UBR2: variants seen among roughly 807,000 people sequenced by gnomAD.
UBR2 encodes E3 ubiquitin-protein ligase UBR2.
UBR2 carries 92 observed loss-of-function variants against 247.9 expected under a neutral mutation model. The ratio of observed to expected loss-of-function variants is 0.37; its 90% CI spans 0.31 to 0.44. The LOEUF is 0.44. Ranked by LOEUF, UBR2 falls within the 20% of genes least tolerant of loss-of-function variation. The pLI is 1.00. For missense variants in UBR2, 1,613 were observed against 2,112.6 expected, an observed-to-expected ratio of 0.76 and a Z score of 4.64; for synonymous variants, 672 against 693.5, an observed-to-expected ratio of 0.97 and a Z score of 0.49.
At chr6:42,592,285 TTTTC>T (rs1792718025) in intron 3 of UBR2, 56 bp downstream of exon 3, 5 of 1,300,088 alleles carry the variant, frequency 3.8e-6, no homozygotes, top group African/African-American at 1.5e-5. Flanking sequence ...AATAAATATC[TTTTC>T]TTTCTTTTCA....
rs145242958 is a variant in UBR2 at position 42,568,897 on chromosome 6, A to G, written c.78+4500A>G. ...CTTAATCCAAAATCCAAATGTTCCAATGAGCACTTCTTTGAGCATCGTGTG... is the reference window on the plus strand; with the variant it reads ...CTTAATCCAAAATCCAAATGTTCCAGTGAGCACTTCTTTGAGCATCGTGTG... On this transcript the variant is annotated intron_variant, in intron 1 of 46. Transcript: ENST00000372901. Among the ~76,000 whole-genome samples, 315 of 152,304 alleles carry G rather than the reference A, an allele frequency of 2.1e-3. 1 individual carries two copies. The highest frequency in any genetic ancestry group is 7.3e-3 in the African/African-American group (305 of 41,560).
rs1417541818 is a variant in UBR2, at chr6:42,632,694, A to G, written c.1424A>G (p.Gln475Arg). Residue 475 changes from glutamine to arginine, a missense_variant, in exon 12 of 47, where the codon CAG (glutamine) becomes CGG (arginine). Gln to Arg is a conservative substitution (Grantham distance 43). Coordinates refer to ENST00000372901, the MANE Select transcript of UBR2 (RefSeq NM_001363705.2). ...ALQAFKFRRV[Q>R]SLILDLKYVL... ...CAAGCCTTCAAATTTAGGAGAGTAC[A>G]GAGCCTTATTTTAGATCTCAAGTAA... 6.2e-7 allele frequency: 1 copy of G among 1,602,108 alleles called. No homozygotes were observed. The highest frequency in any genetic ancestry group is 8.5e-7 in the Non-Finnish European group (1 of 1,176,294).
At chr6:42,672,516 C>T (rs893474308) in intron 36 of UBR2, among the ~76,000 whole-genome samples, 8 of 152,202 alleles carry the variant, frequency 5.3e-5, no homozygotes, top group South Asian at 2.1e-4. Flanking sequence ...TCCTCAAAAG[C>T]AATCCTGTTC....
At position 42,640,156 on chromosome 6, in the gene UBR2, C is replaced by T. The variant is rs79445722; in HGVS notation, c.1859-53C>T. On this transcript the variant is annotated intron_variant, in intron 15 of 46. Coordinates refer to ENST00000372901, the MANE Select transcript of UBR2 (RefSeq NM_001363705.2). ...TGAGTGAATATTTAGGGTATTTTTC[C>T]TAAATGATTTTTACTGATAGAAATA... 7,756 of 1,472,898 alleles carry T rather than the reference C, an allele frequency of 5.3e-3. 30 individuals carry two copies. Among genetic ancestry groups the T allele is most frequent in the Non-Finnish European group, 6.3e-3 (6,721 of 1,072,900 alleles). 91.2% of individuals were successfully genotyped at this position (1,472,898 alleles called of 1,614,324 possible). A position where few individuals can be genotyped will look rare whatever the true frequency, so the allele number is the denominator to read the frequency against.
intron 42 of UBR2, 42 bp downstream of exon 42, chr6:42,679,874 A>G (rs1207478129): frequency 7.7e-6 from 11 of 1,427,186 alleles, no homozygotes; most frequent in Non-Finnish European, 9.6e-6. Context: ...AAATAGCTCT[A>G]TGGAACCAAA....
chr6:42,573,856 T>C lies in UBR2; in HGVS notation c.201T>C (p.His67=), dbSNP rs1190251437. The C allele has an allele frequency of 5.0e-6, 8 of 1,614,132 alleles. No homozygotes were observed. The highest frequency in any genetic ancestry group is 5.9e-6 in the Non-Finnish European group (7 of 1,180,012). ...AGAAAGAAGACATGCTGGCACAGCA[T>C]GTTTTGTTGGGACCAATGGAATGGT... The part of the protein sequence containing the change: ...FPQKEDMLAQ[H]VLLGPMEWYL... Residue 67 remains histidine, a synonymous_variant, in exon 2 of 47, where the codon CAT becomes CAC. Coordinates refer to ENST00000372901, the MANE Select transcript of UBR2 (RefSeq NM_001363705.2).
At chr6:42,658,369 A>G in intron 28 of UBR2, 49 bp downstream of exon 28, 1 of 1,516,998 alleles carries the variant, frequency 6.6e-7, no homozygotes, top group Non-Finnish European at 9.0e-7. Flanking sequence ...CAGCAAGTTC[A>G]GTATGAACAA....
At chr6:42,577,900 A>T (rs6920844) in intron 2 of UBR2, among the ~76,000 whole-genome samples, 5 of 151,688 alleles carry the variant, frequency 3.3e-5, no homozygotes, top group Non-Finnish European at 4.4e-5. Flanking sequence ...ATAATTTTGT[A>T]TAGGCTTTTT....
At chr6:42,627,398 T>C (rs529849792) in intron 11 of UBR2, among the ~76,000 whole-genome samples, 8 of 152,338 alleles carry the variant, frequency 5.3e-5, no homozygotes, top group Admixed American at 2.0e-4. Flanking sequence ...TAATTTCTAA[T>C]CTAGTGGCTA....
Position 42,605,854 on chromosome 6 carries a change from C to G in UBR2, c.796C>G (p.Arg266Gly). ...TATTGGTTTTGCAACTACAGTAGAT[C>G]GAGATGTAAGTAATTTTACCATGTT... The part of the protein sequence containing the change: ...EAIGFATTVD[R>G]DGRRSVRYGD... The change falls in exon 6 of 47, where the codon CGA (arginine) becomes GGA (glycine). Residue 266 changes from arginine to glycine, a missense_variant. Physicochemically the swap from Arg to Gly is moderately radical, Grantham distance 125 (BLOSUM62 -2). Transcript: ENST00000372901. 1 of 1,601,846 alleles carries G rather than the reference C, an allele frequency of 6.2e-7. No individual in the cohort carries two copies. Among genetic ancestry groups the G allele is most frequent in the Non-Finnish European group, 8.5e-7 (1 of 1,176,488 alleles).
At chr6:42,618,716 T>A (rs931343399) in intron 11 of UBR2, among the ~76,000 whole-genome samples, 1 of 152,204 alleles carries the variant, frequency 6.6e-6, no homozygotes, top group Admixed American at 6.5e-5. Context: ...CCTAATCAGA[T>A]GCTAAAGCAA....
chr6:42,582,737 C>T (rs1791992285), intron 2 of UBR2, among the ~76,000 whole-genome samples: 1 of 151,896 alleles, frequency 6.6e-6, no homozygotes, highest in African/African-American at 2.4e-5. Flanking sequence ...AAAATAATAA[C>T]CTCATTTAAA....
chr6:42,589,596 A>T (rs753420224), intron 2 of UBR2, among the ~76,000 whole-genome samples: 6 of 152,174 alleles, frequency 3.9e-5, no homozygotes, highest in Non-Finnish European at 7.4e-5. Context: ...TTCCTTAAAC[A>T]TTTGATAGAA....
chr6:42,639,421 C>T (rs1236377821), intron 15 of UBR2, among the ~76,000 whole-genome samples: 3 of 152,112 alleles, frequency 2.0e-5, no homozygotes, highest in African/African-American at 4.8e-5. Flanking sequence ...GGCAAAACCC[C>T]GTCTCTACTA....
chr6:42,663,886 T>C (rs1270755329), intron 32 of UBR2, among the ~76,000 whole-genome samples: 1 of 152,172 alleles, frequency 6.6e-6, no homozygotes, highest in Admixed American at 6.6e-5. Flanking sequence ...CAGCTGGGCG[T>C]TGTGGCTCAC....
At chr6:42,564,489 C>G in intron 1 of UBR2, 92 bp downstream of exon 1, 1 of 1,424,994 alleles carries the variant, frequency 7.0e-7, no homozygotes. Flanking sequence ...AGCAGCCCGA[C>G]CCAGACTTGG....
At chr6:42,683,426 C>T (rs967101772) in intron 43 of UBR2, among the ~76,000 whole-genome samples, 8 of 152,124 alleles carry the variant, frequency 5.3e-5, no homozygotes, top group Non-Finnish European at 1.2e-4. Flanking sequence ...TATGGGAAAA[C>T]TCTCCAGAAG....
At chr6:42,618,140 G>T (rs1794675920) in intron 11 of UBR2, among the ~76,000 whole-genome samples, 1 of 152,156 alleles carries the variant, frequency 6.6e-6, no homozygotes, top group Non-Finnish European at 1.5e-5. Context: ...ACTTACCATA[G>T]TGGGAAAGAC....
intron 2 of UBR2, among the ~76,000 whole-genome samples, chr6:42,586,567 G>A (rs1021080197): frequency 2.5e-5 from 1 of 39,970 alleles, no homozygotes; most frequent in Non-Finnish European, 4.9e-5. Flanking sequence ...TTGTTCCTCT[G>A]TTCCTAATTT....
Sources: gnomAD v4.1 joint callset for allele counts (sites outside exome capture counted in the v4.1 genomes callset) on GRCh38, gnomAD v4.1.1 for gene constraint, MANE v1.5 for transcripts, NCBI Gene and HGNC (gene_info 2026-07-23, HGNC 2026-07-21) for gene names.